DENND2C: variants seen among roughly 807,000 people sequenced by gnomAD.
DENND2C encodes the protein DENN domain containing 2C.
A neutral mutation model predicts 112.4 loss-of-function variants in DENND2C; 72 were observed. The observed-to-expected ratio is 0.64, with a 90% CI of 0.53 to 0.78. DENND2C has a LOEUF of 0.78. DENND2C is among the 30% of genes least tolerant of loss of function. DENND2C has a pLI of 0.00. For synonymous variants in DENND2C, 329 were observed against 381.6 expected, an observed-to-expected ratio of 0.86 and a Z score of 1.61; for missense variants, 992 against 1,113.8, an observed-to-expected ratio of 0.89 and a Z score of 1.56.
At chr1:114,593,956 A>G (rs892222738) in intron 18 of DENND2C, among the ~76,000 whole-genome samples, 14 of 152,204 alleles carry the variant, frequency 9.2e-5, no homozygotes, top group Admixed American at 9.2e-4. Flanking sequence ...TAAACACCCA[A>G]TAAATATTAT....
intron 1 of DENND2C, among the ~76,000 whole-genome samples, chr1:114,657,888 G>A (rs1657377689): frequency 6.6e-6 from 1 of 152,134 alleles, no homozygotes; most frequent in South Asian, 2.1e-4. Context: ...AAAGAAACAA[G>A]GGTATAAAGC....
At chr1:114,610,980 T>G in intron 9 of DENND2C, 93 bp downstream of exon 9, 1 of 1,433,678 alleles carries the variant, frequency 7.0e-7, no homozygotes, top group East Asian at 2.3e-5. Context: ...GAACTTCATG[T>G]GGGAAAAAAC....
intron 3 of DENND2C, among the ~76,000 whole-genome samples, chr1:114,641,950 T>C (rs1037274033): frequency 2.0e-5 from 3 of 152,004 alleles, no homozygotes; most frequent in African/African-American, 7.3e-5. Flanking sequence ...CACACATATA[T>C]GTATATATAT....
At chr1:114,611,514 C>A (rs980578684) in intron 8 of DENND2C, among the ~76,000 whole-genome samples, 2 of 152,072 alleles carry the variant, frequency 1.3e-5, no homozygotes, top group African/African-American at 4.8e-5. Context: ...AATCTAAACA[C>A]CAACCAGACT....
At chr1:114,586,734 T>A (rs953131114) in intron 20 of DENND2C, 11 of 151,016 alleles carry the variant, frequency 7.3e-5, no homozygotes, top group African/African-American at 7.3e-5. Flanking sequence ...TTTATTTTTT[T>A]AATTTTTATT....
chr1:114,607,957 T>C (rs1268585639), intron 10 of DENND2C, among the ~76,000 whole-genome samples: 1 of 152,212 alleles, frequency 6.6e-6, no homozygotes, highest in African/African-American at 2.4e-5. Flanking sequence ...GGGTAGATAC[T>C]ATTGTGATTA....
chr1:114,596,545 C>G (rs1034446443), intron 16 of DENND2C, among the ~76,000 whole-genome samples: 2 of 151,928 alleles, frequency 1.3e-5, no homozygotes, highest in African/African-American at 4.8e-5. Flanking sequence ...TTTAAATATG[C>G]CCTTATGTTA....
intron 1 of DENND2C, among the ~76,000 whole-genome samples, chr1:114,669,616 G>A (rs561654365): frequency 1.2e-4 from 18 of 152,266 alleles, no homozygotes; most frequent in Non-Finnish European, 2.2e-4. Context: ...TTTGGAGAAA[G>A]CCCGCGTTTC....
At chr1:114,655,881 TAA>T (rs1657297236) in intron 1 of DENND2C, among the ~76,000 whole-genome samples, 1 of 62,910 alleles carries the variant, frequency 1.6e-5, no homozygotes, top group South Asian at 4.1e-4. Flanking sequence ...TATATATGTA[TAA>T]ATATATATAT....
chr1:114,640,761 T>A (rs951519277), intron 3 of DENND2C, among the ~76,000 whole-genome samples: 3 of 152,246 alleles, frequency 2.0e-5, no homozygotes, highest in African/African-American at 7.2e-5. Context: ...AGTCAGTCTC[T>A]GGAAAAATAC....
intron 1 of DENND2C, among the ~76,000 whole-genome samples, chr1:114,656,010 C>T (rs1299260880): frequency 6.6e-6 from 1 of 151,688 alleles, no homozygotes; most frequent in Non-Finnish European, 1.5e-5. Context: ...CTCCTGTTGA[C>T]TGATATGTGG....
At chr1:114,657,838 C>G (rs887935536) in intron 1 of DENND2C, among the ~76,000 whole-genome samples, 9 of 152,074 alleles carry the variant, frequency 5.9e-5, no homozygotes, top group African/African-American at 2.2e-4. Context: ...TAATCTTGTT[C>G]AAACACCAGT....
chr1:114,621,225 C>T (rs1463438429), intron 7 of DENND2C, among the ~76,000 whole-genome samples: 3 of 152,068 alleles, frequency 2.0e-5, no homozygotes, highest in Non-Finnish European at 4.4e-5. Flanking sequence ...GAGTTCAAGA[C>T]CAGCCTGGGC....
rs756988549 is a variant in DENND2C at position 114,583,435 on chromosome 1, A to G, written c.*2165T>C. The G allele has an allele frequency of 1.3e-5, 2 of 152,194 alleles. No homozygotes were observed. Among genetic ancestry groups the G allele is most frequent in the African/African-American group, 2.4e-5 (1 of 41,444 alleles). 9.4% of individuals were successfully genotyped at this position (152,194 alleles called of 1,614,324 possible). A position where few individuals can be genotyped will look rare whatever the true frequency, so the allele number is the denominator to read the frequency against. ...TGAAGAAAACAAACTGACATTTGCT[A>G]TAACATTAATCAATGAAAAGTGCAC... On this transcript the variant is annotated 3_prime_UTR_variant, in exon 21 of 21. Transcript: ENST00000393274.
intron 20 of DENND2C, chr1:114,587,035 T>C (rs1343884605): frequency 9.7e-6 from 2 of 207,018 alleles, no homozygotes; most frequent in East Asian, 1.1e-4. Flanking sequence ...GTAGCTGGGA[T>C]TACAGGTGCC....
chr1:114,631,682 T>C (rs910145906), intron 3 of DENND2C, among the ~76,000 whole-genome samples: 7 of 151,944 alleles, frequency 4.6e-5, no homozygotes, highest in African/African-American at 1.7e-4. Flanking sequence ...CTCGGGAGAC[T>C]GAGGCAGGAG....
intron 3 of DENND2C, among the ~76,000 whole-genome samples, chr1:114,628,531 C>T (rs1656406572): frequency 6.6e-6 from 1 of 152,084 alleles, no homozygotes; most frequent in African/African-American, 2.4e-5. Flanking sequence ...TGAACTATTT[C>T]AAAAATAAAA....
At chr1:114,635,761 A>G (rs559444480) in intron 3 of DENND2C, among the ~76,000 whole-genome samples, 1 of 152,190 alleles carries the variant, frequency 6.6e-6, no homozygotes, top group Non-Finnish European at 1.5e-5. Context: ...AATCCCAACA[A>G]TTTGGGAGGC....
chr1:114,618,534 C>T (rs1656066362), intron 7 of DENND2C, 52 bp from the exon 8 acceptor site: 1 of 1,110,328 alleles, frequency 9.0e-7, no homozygotes, highest in South Asian at 1.6e-5. Context: ...AAAAGTTTCA[C>T]AGTTTGATGA....
Sources: gnomAD v4.1 joint callset for allele counts (sites outside exome capture counted in the v4.1 genomes callset) on GRCh38, gnomAD v4.1.1 for gene constraint, MANE v1.5 for transcripts, NCBI Gene and HGNC (gene_info 2026-07-23, HGNC 2026-07-21) for gene names.